Variants in GRM7 observed in about 807,000 individuals in gnomAD.
GRM7 encodes glutamate metabotropic receptor 7.
In GRM7, 35 loss-of-function variants were observed where a neutral mutation model predicts 84.5. That is an observed-to-expected ratio of 0.41 (90% CI 0.32 to 0.55). The LOEUF (loss-of-function observed/expected upper bound fraction) is 0.55, where lower values mean the gene tolerates loss of function less well. GRM7 is among the 20% of genes least tolerant of loss of function. The pLI, the probability that GRM7 is intolerant of heterozygous loss-of-function variation, is 0.19. For missense variants in GRM7, 1,003 were observed against 1,194.6 expected (o/e 0.84, Z 2.36); for synonymous variants, 487 against 455.1 (o/e 1.07, Z -0.89).
At chr3:7,467,700 A>G (rs1698519116) in intron 7 of GRM7, among the ~76,000 whole-genome samples, 2 of 152,186 alleles carry the variant, frequency 1.3e-5, no homozygotes, top group African/African-American at 2.4e-5. Flanking sequence ...AATCCTTACC[A>G]CAAGCCATTT....
chr3:7,567,472 G>C (rs1310655448), intron 7 of GRM7, among the ~76,000 whole-genome samples: 1 of 152,076 alleles, frequency 6.6e-6, no homozygotes, highest in Admixed American at 6.6e-5. Context: ...ACTTGGCCAG[G>C]GGCAGGAGCT....
rs553778557 is a variant in GRM7, at chr3:7,697,077, A to C, written c.2698+16782A>C. 5.3e-5 allele frequency among the ~76,000 whole-genome samples: 8 copies of C among 152,224 alleles called. No individual in the cohort carries two copies. The East Asian group carries it at 1.5e-3, about 29-fold the overall frequency. The stretch of plus-strand genomic sequence containing the variant: ...TGGCCAGATAAGGGATTGAGAAAGA[A>C]AGAACCATGTCTTTCTTTCTATGAA... On this transcript the variant is annotated intron_variant, in intron 9 of 9. Coordinates refer to ENST00000357716, the MANE Select transcript of GRM7 (RefSeq NM_000844.4).
chr3:7,593,411 T>C (rs1695884769), intron 8 of GRM7, among the ~76,000 whole-genome samples: 1 of 152,162 alleles, frequency 6.6e-6, no homozygotes, highest in South Asian at 2.1e-4. Context: ...ACAAGACAAA[T>C]TCGTTGCCCT....
At chr3:6,869,429 TTAAG>T (rs1445690443) in intron 1 of GRM7, among the ~76,000 whole-genome samples, 1 of 152,220 alleles carries the variant, frequency 6.6e-6, no homozygotes, top group Non-Finnish European at 1.5e-5. Flanking sequence ...CAGATGGACA[TTAAG>T]TGTCAATATT....
intron 7 of GRM7, among the ~76,000 whole-genome samples, chr3:7,502,263 A>C (rs1215714700): frequency 6.6e-6 from 1 of 152,224 alleles, no homozygotes; most frequent in Non-Finnish European, 1.5e-5. Flanking sequence ...AATTGTGTCC[A>C]GTTCCCTCAA....
chr3:7,448,246 G>A (rs368305357), intron 5 of GRM7, among the ~76,000 whole-genome samples: 3 of 151,494 alleles, frequency 2.0e-5, no homozygotes, highest in Non-Finnish European at 4.4e-5. Flanking sequence ...ATGATTTATA[G>A]TCCTTTGGGT....
intron 2 of GRM7, among the ~76,000 whole-genome samples, chr3:7,288,273 A>AT (rs747332793): frequency 1.2e-3 from 184 of 150,590 alleles, no homozygotes; most frequent in African/African-American, 2.7e-3. Flanking sequence ...AAGGAGTTAA[A>AT]TTTTTTTTTT....
chr3:7,020,283 T>A lies in GRM7; in HGVS notation c.520-126169T>A, dbSNP rs979585063. On this transcript the variant is annotated intron_variant, in intron 1 of 9. Transcript: ENST00000357716. Reference sequence around the variant, plus strand: ...AGCCTGTATACTGTATGATTCCAACTATGTGACATTCTGGAAAAGGCAACA... The same window carrying A: ...AGCCTGTATACTGTATGATTCCAACAATGTGACATTCTGGAAAAGGCAACA... Among the ~76,000 whole-genome samples the A allele has an allele frequency of 2.6e-5, 4 of 152,188 alleles. No homozygotes were observed. In the East Asian group the frequency reaches 7.7e-4, roughly 29 times the overall value.
intron 1 of GRM7, among the ~76,000 whole-genome samples, chr3:6,967,753 A>G (rs1272177896): frequency 2.6e-5 from 4 of 152,158 alleles, no homozygotes; most frequent in African/African-American, 9.7e-5. Flanking sequence ...TCAGTGCTTT[A>G]TTTCAATACA....
At chr3:7,644,377 T>C (rs974752931) in intron 8 of GRM7, among the ~76,000 whole-genome samples, 1 of 151,728 alleles carries the variant, frequency 6.6e-6, no homozygotes, top group African/African-American at 2.4e-5. Flanking sequence ...GACCTTCTGA[T>C]AATATAATTT....
At chr3:7,076,947 A>T (rs919393468) in intron 1 of GRM7, among the ~76,000 whole-genome samples, 1 of 152,194 alleles carries the variant, frequency 6.6e-6, no homozygotes, top group African/African-American at 2.4e-5. Context: ...GAAGATATTT[A>T]TGCAGCCAAC....
intron 4 of GRM7, among the ~76,000 whole-genome samples, chr3:7,361,417 G>C (rs1194976745): frequency 6.6e-6 from 1 of 152,094 alleles, no homozygotes; most frequent in Non-Finnish European, 1.5e-5. Context: ...TTGCAAACTA[G>C]TGTCCTCTTG....
At chr3:7,421,448 C>T (rs1696388757) in intron 5 of GRM7, among the ~76,000 whole-genome samples, 1 of 152,186 alleles carries the variant, frequency 6.6e-6, no homozygotes, top group Admixed American at 6.6e-5. Flanking sequence ...TTTTTCAAAT[C>T]TCCATCCTAT....
In GRM7 at chr3:6,958,675, T is replaced by G. The variant is rs530876349; in HGVS notation, c.519+96768T>G. The stretch of plus-strand genomic sequence containing the variant: ...TCTGAGAGTTGAAGCTGAGTTAAAC[T>G]AAATACAAAAAAACTTTCCTAAGAA... On this transcript the variant is annotated intron_variant, in intron 1 of 9. Transcript: ENST00000357716. 2.6e-5 allele frequency among the ~76,000 whole-genome samples: 4 copies of G among 152,300 alleles called. No individual in the cohort carries two copies. In the South Asian group the frequency reaches 8.3e-4, roughly 32 times the overall value.
intron 1 of GRM7, among the ~76,000 whole-genome samples, chr3:6,886,574 G>A (rs1453941431): frequency 6.6e-6 from 1 of 152,034 alleles, no homozygotes; most frequent in Non-Finnish European, 1.5e-5. Context: ...TCTTAATTGA[G>A]TGACTTCTGG....
chr3:7,020,514 A>T (rs1695737738), intron 1 of GRM7, among the ~76,000 whole-genome samples: 1 of 152,212 alleles, frequency 6.6e-6, no homozygotes, highest in South Asian at 2.1e-4. Flanking sequence ...TCAAATGCAG[A>T]TTCCTGGAGT....
intron 2 of GRM7, among the ~76,000 whole-genome samples, chr3:7,235,158 CCA>C (rs1697310011): frequency 6.6e-6 from 1 of 152,218 alleles, no homozygotes; most frequent in Non-Finnish European, 1.5e-5. Flanking sequence ...CTAGTTACTA[CCA>C]TCAACTAGAC....
At chr3:7,384,732 A>G (rs1694718922) in intron 4 of GRM7, among the ~76,000 whole-genome samples, 1 of 152,188 alleles carries the variant, frequency 6.6e-6, no homozygotes, top group Admixed American at 6.5e-5. Flanking sequence ...GCTGGTGGCT[A>G]TCAAGTCGAA....
At chr3:6,882,332 A>G (rs1368255962) in intron 1 of GRM7, among the ~76,000 whole-genome samples, 1 of 152,220 alleles carries the variant, frequency 6.6e-6, no homozygotes, top group African/African-American at 2.4e-5. Context: ...AATACTTTTA[A>G]TTATAAAAGT....
Sources: gnomAD v4.1 joint callset for allele counts (sites outside exome capture counted in the v4.1 genomes callset) on GRCh38, gnomAD v4.1.1 for gene constraint, MANE v1.5 for transcripts, NCBI Gene and HGNC (gene_info 2026-07-23, HGNC 2026-07-21) for gene names.